Variants in HS6ST2 observed in about 807,000 individuals in gnomAD.
HS6ST2 encodes the protein heparan-sulfate 6-O-sulfotransferase 2.
Under a neutral mutation model 33.0 loss-of-function variants are expected in HS6ST2, and 17 were observed. That is an observed-to-expected ratio of 0.52 (90% CI 0.35 to 0.77). HS6ST2 has a LOEUF of 0.77. HS6ST2 is among the 30% of genes least tolerant of loss of function. HS6ST2 has a pLI of 0.01. For synonymous variants in HS6ST2, 248 were observed against 237.1 expected (o/e 1.05, Z -0.42); for missense variants, 519 against 551.7 (o/e 0.94, Z 0.59).
At chrX:132,800,411 T>C (rs2065223350) in intron 2 of HS6ST2, among the ~76,000 whole-genome samples, 1 of 111,721 alleles carries the variant, frequency 9.0e-6, no homozygotes, top group Admixed American at 9.5e-5. Flanking sequence ...TGTATAATTA[T>C]TTCATTATAT....
chrX:132,888,738 A>G (rs922770253), intron 2 of HS6ST2, among the ~76,000 whole-genome samples: 1 of 111,392 alleles, frequency 9.0e-6, no homozygotes, highest in Non-Finnish European at 1.9e-5. Context: ...TCTTGGGCTC[A>G]AGTGATCTGC....
intron 2 of HS6ST2, among the ~76,000 whole-genome samples, chrX:132,713,205 T>G (rs1264895469): frequency 9.0e-6 from 1 of 111,072 alleles, no homozygotes; most frequent in Non-Finnish European, 1.9e-5. Context: ...GGTAGGCCCA[T>G]GTGTTTCAGT....
chrX:132,755,429 G>C (rs2064749198), intron 2 of HS6ST2, among the ~76,000 whole-genome samples: 1 of 111,131 alleles, frequency 9.0e-6, no homozygotes, highest in South Asian at 3.8e-4. Flanking sequence ...AGCCCTGGTT[G>C]CTTTTATTGA....
At chrX:132,737,529 C>T (rs2064520975) in intron 2 of HS6ST2, among the ~76,000 whole-genome samples, 1 of 111,498 alleles carries the variant, frequency 9.0e-6, no homozygotes, top group African/African-American at 3.3e-5. Flanking sequence ...TTTAGCAACA[C>T]GGTGGGGAGA....
intron 2 of HS6ST2, among the ~76,000 whole-genome samples, chrX:132,743,704 C>T (rs1225315184): frequency 9.0e-6 from 1 of 111,658 alleles, no homozygotes; most frequent in Non-Finnish European, 1.9e-5. Flanking sequence ...GAATTTGAAC[C>T]CAGATCATCT....
rs1222855747 is a variant in HS6ST2, at chrX:132,628,010, C to T, written c.*213G>A. 2 of 300,978 alleles carry T rather than the reference C, an allele frequency of 6.6e-6. No homozygotes were observed. 24.8% of individuals were successfully genotyped at this position (300,978 alleles called of 1,213,427 possible). A position where few individuals can be genotyped will look rare whatever the true frequency, so the allele number is the denominator to read the frequency against. On this transcript the variant is annotated 3_prime_UTR_variant, in exon 5 of 5. Coordinates refer to ENST00000370833, the MANE Select transcript of HS6ST2 (RefSeq NM_001394073.1). ...TCGGATTTCATATTTAGTCCAACCC[C>T]AAAAAGACAATTTAATTCCATATTG... is the stretch of plus-strand genomic sequence containing the variant.
At chrX:132,860,985 G>A (rs150125689) in intron 2 of HS6ST2, among the ~76,000 whole-genome samples, 2,585 of 108,692 alleles carry the variant, frequency 0.024, 46 homozygotes, top group East Asian at 0.098. Context: ...TAGAGAAGGG[G>A]TTTCACCATG....
intron 4 of HS6ST2, among the ~76,000 whole-genome samples, chrX:132,639,270 C>A (rs2063583940): frequency 8.9e-6 from 1 of 111,804 alleles, no homozygotes; most frequent in Admixed American, 9.6e-5. Flanking sequence ...AAGCTGAGTT[C>A]TTTAACAAGA....
intron 4 of HS6ST2, among the ~76,000 whole-genome samples, chrX:132,657,539 AT>A (rs777832195): frequency 1.8e-3 from 197 of 109,471 alleles, no homozygotes; most frequent in African/African-American, 6.0e-3. Context: ...ATGGAGATGC[AT>A]TTTTTCCCCC....
chrX:132,651,195 G>T (rs1324659216), intron 4 of HS6ST2, among the ~76,000 whole-genome samples: 1 of 112,301 alleles, frequency 8.9e-6, no homozygotes, highest in Non-Finnish European at 1.9e-5. Flanking sequence ...ATATTTATTA[G>T]CAGAGTTTAT....
At chrX:132,644,924 T>A (rs2063629365) in intron 4 of HS6ST2, among the ~76,000 whole-genome samples, 1 of 111,201 alleles carries the variant, frequency 9.0e-6, no homozygotes, top group Non-Finnish European at 1.9e-5. Flanking sequence ...CAATACAACT[T>A]GTAAGGGTAA....
chrX:132,652,585 C>G (rs953113743), intron 4 of HS6ST2, among the ~76,000 whole-genome samples: 12 of 111,582 alleles, frequency 1.1e-4, no homozygotes, highest in African/African-American at 3.6e-4. Flanking sequence ...GCCAAAAATA[C>G]AGGGAAAACA....
chrX:132,888,214 G>T (rs1490231967), intron 2 of HS6ST2, among the ~76,000 whole-genome samples: 1 of 111,104 alleles, frequency 9.0e-6, no homozygotes, highest in Non-Finnish European at 1.9e-5. Flanking sequence ...CCCGAGACTG[G>T]GTAATTTATA....
chrX:132,723,911 C>T (rs1232198923), intron 2 of HS6ST2, among the ~76,000 whole-genome samples: 2 of 111,084 alleles, frequency 1.8e-5, no homozygotes, highest in South Asian at 7.6e-4. Flanking sequence ...CCGAGGCAGG[C>T]GGATCACAAG....
chrX:132,722,181 C>A (rs1378229446), intron 2 of HS6ST2, among the ~76,000 whole-genome samples: 2 of 70,534 alleles, frequency 2.8e-5, no homozygotes, highest in African/African-American at 1.2e-4. Context: ...CAGCGAGACT[C>A]CGTCTCAAAA....
intron 2 of HS6ST2, among the ~76,000 whole-genome samples, chrX:132,877,464 C>T (rs1296455802): frequency 1.8e-5 from 2 of 111,636 alleles, no homozygotes; most frequent in East Asian, 5.6e-4. Context: ...GAGGAAACTA[C>T]ACTCAGAAAA....
intron 2 of HS6ST2, among the ~76,000 whole-genome samples, chrX:132,731,077 G>T (rs2064452830): frequency 8.9e-6 from 1 of 111,737 alleles, no homozygotes; most frequent in South Asian, 3.8e-4. Context: ...GAGGGCAAGA[G>T]ATTTACTTTA....
chrX:132,863,978 G>A (rs1381725475), intron 2 of HS6ST2, among the ~76,000 whole-genome samples: 1 of 111,346 alleles, frequency 9.0e-6, no homozygotes, highest in Non-Finnish European at 1.9e-5. Flanking sequence ...TGGACCTCCA[G>A]CAAACTCCAG....
At chrX:132,775,347 T>C (rs1403124426) in intron 2 of HS6ST2, among the ~76,000 whole-genome samples, 1 of 111,419 alleles carries the variant, frequency 9.0e-6, no homozygotes, top group Non-Finnish European at 1.9e-5. Flanking sequence ...AGCTACTCAA[T>C]TACCTCAGCT....
Sources: gnomAD v4.1 joint callset for allele counts (sites outside exome capture counted in the v4.1 genomes callset) on GRCh38, gnomAD v4.1.1 for gene constraint, MANE v1.5 for transcripts, NCBI Gene and HGNC (gene_info 2026-07-23, HGNC 2026-07-21) for gene names.